The following GPBP1L1 variants were observed in gnomAD, a reference collection of about 807,000 sequenced individuals.
GPBP1L1 encodes vasculin-like protein 1.
Under a neutral mutation model 52.5 loss-of-function variants are expected in GPBP1L1, and 23 were observed. The observed-to-expected ratio is 0.44, with a 90% CI of 0.32 to 0.62. GPBP1L1 has a LOEUF of 0.62. Ranked by LOEUF, GPBP1L1 falls within the 20% of genes least tolerant of loss-of-function variation. The pLI is 0.06. For missense variants in GPBP1L1, 596 were observed against 579.3 expected (o/e 1.03, Z -0.30); for synonymous variants, 243 against 203.1 (o/e 1.20, Z -1.67).
intron 6 of GPBP1L1, chr1:45,645,708 G>T (rs1200999197): frequency 1.2e-5 from 4 of 327,894 alleles, no homozygotes; most frequent in African/African-American, 6.7e-5. Context: ...TAGTTTGTCA[G>T]AAGCTTGTTC....
At chr1:45,639,984 C>A (rs1173420466) in intron 8 of GPBP1L1, among the ~76,000 whole-genome samples, 1 of 150,610 alleles carries the variant, frequency 6.6e-6, no homozygotes, top group East Asian at 1.9e-4. Flanking sequence ...CACACTGAGC[C>A]ATGATTGTGC....
At chr1:45,630,653 T>C (rs1398944704) in intron 10 of GPBP1L1, 47 bp from the exon 11 acceptor site, 2 of 1,601,478 alleles carry the variant, frequency 1.2e-6, no homozygotes, top group Admixed American at 1.7e-5. Flanking sequence ...GGTTCCTTTG[T>C]AGTAATATAA....
chr1:45,658,578 C>T (rs1437689360), intron 4 of GPBP1L1, among the ~76,000 whole-genome samples: 1 of 152,164 alleles, frequency 6.6e-6, no homozygotes, highest in African/African-American at 2.4e-5. Context: ...TAACAGAAAG[C>T]TATTAAGTCT....
rs1408976422 is a variant in GPBP1L1, at chr1:45,633,951, C to T, written c.885+145G>A. 33 of 969,138 alleles carry T rather than the reference C, an allele frequency of 3.4e-5. No individual in the cohort carries two copies. The East Asian group carries it at 7.0e-4, about 21-fold the overall frequency. 60.0% of individuals were successfully genotyped at this position (969,138 alleles called of 1,614,324 possible). A position where few individuals can be genotyped will look rare whatever the true frequency, so the allele number is the denominator to read the frequency against. ...TTTAGCCACTGCCCACTTTTGGATG[C>T]TAACAGAAAACATCAATAAAGAAAC... On this transcript the variant is annotated intron_variant, in intron 9 of 12. Coordinates refer to ENST00000355105, the MANE Select transcript of GPBP1L1 (RefSeq NM_021639.5).
At chr1:45,676,130 G>A (rs972725752) in intron 2 of GPBP1L1, among the ~76,000 whole-genome samples, 1 of 152,084 alleles carries the variant, frequency 6.6e-6, no homozygotes, top group African/African-American at 2.4e-5. Flanking sequence ...ATTCTTAACA[G>A]AAAAGAGCCC....
chr1:45,671,074 G>A (rs551254278), intron 2 of GPBP1L1, among the ~76,000 whole-genome samples: 3 of 151,508 alleles, frequency 2.0e-5, no homozygotes, highest in Non-Finnish European at 2.9e-5. Context: ...GATTACAGGC[G>A]TGAGCCACCG....
rs779826621 is a variant in GPBP1L1 at position 45,634,231 on chromosome 1, A to G, written c.750T>C (p.Asn250=). 16 of 1,611,792 alleles carry G rather than the reference A, an allele frequency of 9.9e-6. No individual in the cohort carries two copies. Among genetic ancestry groups the G allele is most frequent in the Middle Eastern group, 1.7e-4 (1 of 6,020 alleles). The part of the protein sequence containing the change: ...PKPVPPPSKP[N]AWKANRMEHK... Reference sequence around the variant, plus strand: ...GCTCCATCCTGTTAGCTTTCCATGCATTAGGCTACACAGGGTGAAAGAACA... The same window carrying G: ...GCTCCATCCTGTTAGCTTTCCATGCGTTAGGCTACACAGGGTGAAAGAACA... The change falls in exon 9 of 13, where the codon AAT becomes AAC. Residue 250 remains asparagine, a synonymous_variant. Transcript: ENST00000355105.
intron 6 of GPBP1L1, among the ~76,000 whole-genome samples, chr1:45,644,422 A>G (rs11211147): frequency 0.28 from 43,046 of 152,150 alleles, 6,220 homozygotes; most frequent in South Asian, 0.36. Flanking sequence ...AAACAAATGA[A>G]TAAGTTAATG....
At chr1:45,649,715 A>G (rs998319678) in intron 6 of GPBP1L1, among the ~76,000 whole-genome samples, 2 of 152,204 alleles carry the variant, frequency 1.3e-5, no homozygotes, top group Admixed American at 6.5e-5. Context: ...GTACACATAT[A>G]AAATATACTC....
chr1:45,649,796 AG>A (rs529399580), intron 6 of GPBP1L1, among the ~76,000 whole-genome samples: 13 of 152,316 alleles, frequency 8.5e-5, no homozygotes, highest in African/African-American at 3.1e-4. Flanking sequence ...TCCATCAACC[AG>A]AAAGTTCCCT....
intron 6 of GPBP1L1, among the ~76,000 whole-genome samples, chr1:45,645,410 C>T (rs776433334): frequency 1.3e-5 from 2 of 152,182 alleles, no homozygotes; most frequent in Non-Finnish European, 2.9e-5. Flanking sequence ...TACAAGAATC[C>T]TGATTCTCAA....
At chr1:45,673,604 G>A (rs1645102513) in intron 2 of GPBP1L1, among the ~76,000 whole-genome samples, 1 of 152,242 alleles carries the variant, frequency 6.6e-6, no homozygotes, top group South Asian at 2.1e-4. Context: ...GCTCACGCCT[G>A]TAATCCCAGC....
intron 2 of GPBP1L1, 142 bp downstream of exon 2, chr1:45,685,434 C>T (rs1320671708): frequency 6.6e-6 from 1 of 152,104 alleles, no homozygotes; most frequent in Non-Finnish European, 1.5e-5. Context: ...TATGACAAGC[C>T]AACTTCAGAG....
intron 2 of GPBP1L1, among the ~76,000 whole-genome samples, chr1:45,682,729 T>C (rs2148524467): frequency 1.3e-5 from 2 of 152,366 alleles, no homozygotes; most frequent in Middle Eastern, 6.8e-3. Flanking sequence ...AATGTTTGCC[T>C]AGCACGTTTG....
chr1:45,686,319 T>C (rs1486619791), intron 1 of GPBP1L1, 93 bp downstream of exon 1: 6 of 152,332 alleles, frequency 3.9e-5, no homozygotes, highest in Non-Finnish European at 8.8e-5. Context: ...TTTCAACTAG[T>C]TTTAACAGCC....
rs1644469536 is a variant in GPBP1L1 at position 45,627,476 on chromosome 1, TACACAAG to T, written c.*773_*779del. 1 of 152,642 alleles carries T rather than the reference TACACAAG, an allele frequency of 6.6e-6. No individual in the cohort carries two copies. The highest frequency in any genetic ancestry group is 1.5e-5 in the Non-Finnish European group (1 of 68,038). 9.5% of individuals were successfully genotyped at this position (152,642 alleles called of 1,614,324 possible). Reference sequence around the variant, plus strand: ...CTAATTTTAAAGAAAATATACTTCTTACACAAGACAATCCAAACTGATGCAAAATATT... The same window carrying T: ...CTAATTTTAAAGAAAATATACTTCTTACAATCCAAACTGATGCAAAATATT... On this transcript the variant is annotated 3_prime_UTR_variant, in exon 13 of 13. Transcript: ENST00000355105.
In GPBP1L1 at chr1:45,633,605, G is replaced by A. The variant is rs550609489; in HGVS notation, c.928C>T (p.Arg310Cys). The change falls in exon 10 of 13, where the codon CGT becomes TGT. Residue 310 changes from arginine to cysteine, a missense_variant. Transcript: ENST00000355105. ...GTTCGGCGGGTCAACTTGGTCAGACGAGAGGAGCTGATCTCAATTGGAGGG... is the reference window on the plus strand; with the variant it reads ...GTTCGGCGGGTCAACTTGGTCAGACAAGAGGAGCTGATCTCAATTGGAGGG... Reference protein sequence around the residue: ...TTPPIEISSSRLTKLTRRTTD... With the variant: ...TTPPIEISSSCLTKLTRRTTD... 3.1e-6 allele frequency: 5 copies of A among 1,613,922 alleles called. No homozygotes were observed. In the African/African-American group the frequency reaches 5.3e-5, roughly 17 times the overall value.
intron 4 of GPBP1L1, 135 bp from the exon 5 acceptor site, chr1:45,655,454 C>T: frequency 2.1e-6 from 2 of 944,220 alleles, no homozygotes; most frequent in Non-Finnish European, 3.2e-6. Context: ...AGCATATGGA[C>T]CCTAAGGGTA....
At chr1:45,678,495 G>A (rs1000454063) in intron 2 of GPBP1L1, among the ~76,000 whole-genome samples, 1 of 152,158 alleles carries the variant, frequency 6.6e-6, no homozygotes, top group African/African-American at 2.4e-5. Flanking sequence ...AATGCAAAAT[G>A]AGGAATTGCT....
Sources: gnomAD v4.1 joint callset for allele counts (sites outside exome capture counted in the v4.1 genomes callset) on GRCh38, gnomAD v4.1.1 for gene constraint, MANE v1.5 for transcripts, NCBI Gene and HGNC (gene_info 2026-07-23, HGNC 2026-07-21) for gene names.